The following SELE variants were observed in gnomAD, a reference collection of about 807,000 sequenced individuals.
SELE encodes the protein selectin E, also known as E-selectin.
A neutral mutation model predicts 75.8 loss-of-function variants in SELE; 52 were observed. The observed-to-expected ratio is 0.69, with a 90% CI of 0.55 to 0.86. SELE has a LOEUF of 0.86. Among genes scored for constraint, SELE ranks in the 40% least tolerant of loss-of-function variants. The pLI, the probability that SELE is intolerant of heterozygous loss-of-function variation, is 0.00. For missense variants in SELE, 754 were observed against 732.7 expected, an observed-to-expected ratio of 1.03 and a Z score of -0.34; for synonymous variants, 285 against 258.7, an observed-to-expected ratio of 1.10 and a Z score of -0.98.
chr1:169,731,567 A>G (rs556040844), intron 4 of SELE: 2 of 336,196 alleles, frequency 5.9e-6, no homozygotes, highest in East Asian at 6.9e-5. Context: ...CCATGAGCCT[A>G]TGAAGTTCAC....
chr1:169,726,138 T>C (rs1426759799), intron 11 of SELE, among the ~76,000 whole-genome samples: 1 of 152,210 alleles, frequency 6.6e-6, no homozygotes, highest in Non-Finnish European at 1.5e-5. Flanking sequence ...AGCTTCCTAA[T>C]GCCAGCAAAT....
At chr1:169,725,578 A>G (rs1041395619) in intron 13 of SELE, among the ~76,000 whole-genome samples, 151 bp downstream of exon 13, 2 of 150,284 alleles carry the variant, frequency 1.3e-5, no homozygotes, top group Non-Finnish European at 3.0e-5. Flanking sequence ...CCTTCTACAA[A>G]AAATAAAGCA....
intron 7 of SELE, 114 bp from the exon 8 acceptor site, chr1:169,728,360 A>T: frequency 1.0e-6 from 1 of 993,838 alleles, no homozygotes. Flanking sequence ...AAGATTCTTT[A>T]TAATTCCCTG....
rs1438619124 is a variant in SELE, at chr1:169,729,746, A to C, written c.716-73T>G. ...TCACTTCCTATTGAGCTGGGTGCCT[A>C]ACAGAGTGAGGAAGCTGCCTTCAAA... On this transcript the variant is annotated intron_variant, in intron 5 of 13. Coordinates refer to ENST00000333360, the MANE Select transcript of SELE (RefSeq NM_000450.2). 8.8e-6 allele frequency: 13 copies of C among 1,469,102 alleles called. No individual in the cohort carries two copies. The East Asian group carries it at 2.7e-4, about 31-fold the overall frequency. 91.0% of individuals were successfully genotyped at this position (1,469,102 alleles called of 1,614,324 possible). A position where few individuals can be genotyped will look rare whatever the true frequency, so the allele number is the denominator to read the frequency against.
At chr1:169,725,478 A>G (rs3917436) in intron 13 of SELE, among the ~76,000 whole-genome samples, 55,266 of 151,908 alleles carry the variant, frequency 0.36, 11,058 homozygotes, top group East Asian at 0.55. Context: ...CCAGAATATA[A>G]TAAGTGCAAT....
chr1:169,732,068 T>C, intron 3 of SELE, 126 bp from the exon 4 acceptor site: 1 of 560,258 alleles, frequency 1.8e-6, no homozygotes, highest in Non-Finnish European at 3.2e-6. Flanking sequence ...AGACTTTAAC[T>C]GAAGTGTTTT....
chr1:169,729,557 G>A lies in SELE; in HGVS notation c.832C>T (p.Leu278=). The A allele has an allele frequency of 6.2e-7, 1 of 1,614,192 alleles. No homozygotes were observed. The highest frequency in any genetic ancestry group is 1.1e-5 in the South Asian group (1 of 91,088). Residue 278 remains leucine, a synonymous_variant, in exon 6 of 14, where the codon CTA becomes TTA. Transcript: ENST00000333360. ...CTFDCEEGFE[L]MGAQSLQCTS... is the part of the protein sequence containing the mutation. The stretch of plus-strand genomic sequence containing the variant: ...CACTGAAGGCTCTGGGCTCCCATTA[G>A]TTCAAATCCTTCTTCACAGTCAAAT...
intron 7 of SELE, 47 bp from the exon 8 acceptor site, chr1:169,728,293 G>A (rs772771490): frequency 1.9e-6 from 3 of 1,585,934 alleles, no homozygotes; most frequent in Admixed American, 1.7e-5. Flanking sequence ...TGGAACTAGA[G>A]AGTACTTGGC....
chr1:169,731,669 G>A (rs1451876880), intron 4 of SELE, 166 bp downstream of exon 4: 1 of 553,848 alleles, frequency 1.8e-6, no homozygotes, highest in Non-Finnish European at 3.3e-6. Context: ...GGTGAATCTA[G>A]GACTCAAACC....
At chr1:169,733,933 T>A in intron 1 of SELE, 38 bp downstream of exon 1, 2 of 371,118 alleles carry the variant, frequency 5.4e-6, no homozygotes, top group Non-Finnish European at 9.9e-6. Flanking sequence ...CTGTGTTTCA[T>A]GGCCCGAGGC....
At chr1:169,727,102 T>G (rs1371246124) in intron 10 of SELE, among the ~76,000 whole-genome samples, 2 of 152,160 alleles carry the variant, frequency 1.3e-5, no homozygotes, top group South Asian at 2.1e-4. Context: ...TCTCACTCCC[T>G]CTTGTTTTCC....
In SELE at chr1:169,729,366, A is replaced by C; in HGVS notation, c.910T>G (p.Cys304Gly). ...TTCTGAGGCTGGCGGACGGCCCTGC[A>C]TGTCACAGCTGTAACAAATATACGC... ...NEKPTCKAVT[C>G]RAVRQPQNGS... is the part of the protein sequence containing the mutation. Residue 304 changes from cysteine (C) to glycine (G), a missense_variant, in exon 7 of 14, where the codon TGC (cysteine) becomes GGC (glycine). Physicochemically the swap from Cys to Gly is radical, Grantham distance 159 (BLOSUM62 -3). Coordinates refer to ENST00000333360, the MANE Select transcript of SELE (RefSeq NM_000450.2). 6.2e-7 allele frequency: 1 copy of C among 1,613,780 alleles called. No individual in the cohort carries two copies. The highest frequency in any genetic ancestry group is 8.5e-7 in the Non-Finnish European group (1 of 1,179,840).
rs1248039058 is a variant in SELE at position 169,724,005 on chromosome 1, G to T, written c.*520C>A. 2 of 152,192 alleles carry T rather than the reference G, an allele frequency of 1.3e-5. No homozygotes were observed. Among genetic ancestry groups the T allele is most frequent in the Non-Finnish European group, 2.9e-5 (2 of 68,040 alleles). The allele number at this position is 152,192 out of a possible 1,614,324, so 9.4% of individuals were successfully genotyped here. A position where few individuals can be genotyped will look rare whatever the true frequency, so the allele number is the denominator to read the frequency against. On this transcript the variant is annotated 3_prime_UTR_variant, in exon 14 of 14. Coordinates refer to ENST00000333360, the MANE Select transcript of SELE (RefSeq NM_000450.2). ...ACCATTAACAACCCTCCATGCATTT[G>T]CCTGTGGGCATTCAACATCTGTCAT...
rs535222043 is a variant in SELE, at chr1:169,723,706, T to C, written c.*819A>G. The C allele has an allele frequency of 6.6e-6, 1 of 152,244 alleles. No individual in the cohort carries two copies. Among genetic ancestry groups the C allele is most frequent in the Non-Finnish European group, 1.5e-5 (1 of 68,036 alleles). 9.4% of individuals were successfully genotyped at this position (152,244 alleles called of 1,614,324 possible). A position where few individuals can be genotyped will look rare whatever the true frequency, so the allele number is the denominator to read the frequency against. On this transcript the variant is annotated 3_prime_UTR_variant, in exon 14 of 14. Coordinates refer to ENST00000333360, the MANE Select transcript of SELE (RefSeq NM_000450.2). The stretch of plus-strand genomic sequence containing the variant: ...AATAGTTTCCCTTTTTGAAATAAAT[T>C]TAAAACAGATGTAACATAATTTGTT...
At chr1:169,725,263 A>T (rs1571143183) in intron 13 of SELE, among the ~76,000 whole-genome samples, 2 of 152,030 alleles carry the variant, frequency 1.3e-5, no homozygotes, top group Admixed American at 1.3e-4. Flanking sequence ...GGCACCTGTA[A>T]TCCCAGCTAC....
Position 169,727,409 on chromosome 1 carries a change from A to G in SELE, c.1585T>C (p.Ser529Pro), listed in dbSNP as rs1246988703. Residue 529 changes from serine to proline, a missense_variant, in exon 10 of 14, where the codon TCT (serine) becomes CCT (proline). Coordinates refer to ENST00000333360, the MANE Select transcript of SELE (RefSeq NM_000450.2). ...GTGGCTCCACATGTCCGAGCTGCAG[A>G]GCCATTGAGCGTCCATCCTTCAGGA... is the stretch of plus-strand genomic sequence containing the variant. ...ACPEGWTLNGSAARTCGATGH... is the reference protein window; with the variant it reads ...ACPEGWTLNGPAARTCGATGH... 6.2e-7 allele frequency: 1 copy of G among 1,614,134 alleles called. No individual in the cohort carries two copies. The highest frequency in any genetic ancestry group is 8.5e-7 in the Non-Finnish European group (1 of 1,180,014).
rs1411219839 is a variant in SELE, at chr1:169,727,466, G to A, written c.1528C>T (p.Pro510Ser). The change falls in exon 10 of 14, where the codon CCC (proline) becomes TCC (serine). Residue 510 changes from proline (P) to serine (S), a missense_variant. Pro to Ser is a moderately conservative substitution (Grantham distance 74). Transcript: ENST00000333360. The stretch of plus-strand genomic sequence containing the variant: ...AACTTGCACACAGTGCCAAACACGG[G>A]CTCCCCACTGCAGCTCATGTTGATC... ...GKINMSCSGE[P>S]VFGTVCKFAC... 1 of 1,613,960 alleles carries A rather than the reference G, an allele frequency of 6.2e-7. No individual in the cohort carries two copies. Among genetic ancestry groups the A allele is most frequent in the South Asian group, 1.1e-5 (1 of 91,078 alleles).
At chr1:169,733,284 T>C (rs908365042) in intron 2 of SELE, among the ~76,000 whole-genome samples, 1 of 152,202 alleles carries the variant, frequency 6.6e-6, no homozygotes, top group African/African-American at 2.4e-5. Flanking sequence ...ATTGAGCACT[T>C]AGTATGCACC....
intron 4 of SELE, among the ~76,000 whole-genome samples, chr1:169,731,139 C>A (rs1648901983): frequency 6.6e-6 from 1 of 152,100 alleles, no homozygotes. Flanking sequence ...TCGTTGAAAT[C>A]AAATAACATT....
Sources: allele counts gnomAD v4.1 joint callset (sites outside exome capture counted in the v4.1 genomes callset), GRCh38; gene constraint gnomAD v4.1.1; transcripts MANE v1.5; gene names NCBI Gene and HGNC (gene_info 2026-07-23, HGNC 2026-07-21).